THAP1: variants seen among roughly 807,000 people sequenced by gnomAD.
The protein encoded by THAP1 is THAP domain-containing protein 1.
Under a neutral mutation model 18.2 loss-of-function variants are expected in THAP1, and 6 were observed. That is an observed-to-expected ratio of 0.33 (90% CI 0.18 to 0.65). THAP1 has a LOEUF of 0.65. THAP1 is among the 30% of genes least tolerant of loss of function. THAP1 has a pLI of 0.74. For missense variants in THAP1, 176 were observed against 253.0 expected (o/e 0.70, Z 2.06); for synonymous variants, 85 against 90.5 (o/e 0.94, Z 0.34).
At chr8:42,839,062 T>C in intron 2 of THAP1, 124 bp downstream of exon 2, 1 of 1,014,396 alleles carries the variant, frequency 9.9e-7, no homozygotes, top group Non-Finnish European at 1.5e-6. Context: ...AGTGTATCAC[T>C]GTTAACTACA....
intron 1 of THAP1, 56 bp downstream of exon 1, chr8:42,842,968 G>T: frequency 7.1e-7 from 1 of 1,413,948 alleles, no homozygotes; most frequent in Non-Finnish European, 9.3e-7. Context: ...GGCCCCGCCG[G>T]CCGCGCGCCC....
In THAP1 at chr8:42,839,275, G is replaced by C. The variant is rs769617686; in HGVS notation, c.178C>G (p.Pro60Ala). ...YSSICSEHFT[P>A]DCFKRECNNK... The stretch of plus-strand genomic sequence containing the variant: ...TTGCACTCTCTCTTAAAGCAGTCTG[G>C]AGTAAAGTGCTCTGAACAAATACTG... Residue 60 changes from proline to alanine, a missense_variant, in exon 2 of 3, where the codon CCA becomes GCA. Physicochemically the swap from Pro to Ala is conservative, Grantham distance 27 (BLOSUM62 -1). Coordinates refer to ENST00000254250, the MANE Select transcript of THAP1 (RefSeq NM_018105.3). The C allele has an allele frequency of 6.2e-7, 1 of 1,614,102 alleles. No individual in the cohort carries two copies. Among genetic ancestry groups the C allele is most frequent in the Non-Finnish European group, 8.5e-7 (1 of 1,180,014 alleles).
At position 42,837,825 on chromosome 8, in the gene THAP1, G is replaced by T. The variant is rs928631504; in HGVS notation, c.*137C>A. The T allele has an allele frequency of 2.1e-6, 2 of 931,616 alleles. No homozygotes were observed. The highest frequency in any genetic ancestry group is 3.0e-6 in the Non-Finnish European group (2 of 672,916). The allele number at this position is 931,616 out of a possible 1,614,324, so 57.7% of individuals were successfully genotyped here. ...AATTTATAATTTTACAGTATATATA[G>T]AATTTTTTTTAAAAAAATATTCTGA... On this transcript the variant is annotated 3_prime_UTR_variant, in exon 3 of 3. Coordinates refer to ENST00000254250, the MANE Select transcript of THAP1 (RefSeq NM_018105.3).
chr8:42,840,598 G>C (rs1802698479), intron 1 of THAP1, among the ~76,000 whole-genome samples: 3 of 152,204 alleles, frequency 2.0e-5, no homozygotes, highest in Admixed American at 2.0e-4. Context: ...CTTTATGACA[G>C]TCCCTTTTCT....
intron 1 of THAP1, among the ~76,000 whole-genome samples, chr8:42,840,325 G>C (rs1020222346): frequency 6.6e-6 from 1 of 152,202 alleles, no homozygotes; most frequent in African/African-American, 2.4e-5. Context: ...GCATCAGTCT[G>C]ACAAATATGA....
At chr8:42,839,968 C>G (rs552912656) in intron 1 of THAP1, among the ~76,000 whole-genome samples, 1 of 152,018 alleles carries the variant, frequency 6.6e-6, no homozygotes, top group Non-Finnish European at 1.5e-5. Context: ...GGCCACTGTC[C>G]GAGGGACTAC....
Position 42,843,159 on chromosome 8 carries a change from C to T in THAP1, c.-65G>A. 1 of 1,594,686 alleles carries T rather than the reference C, an allele frequency of 6.3e-7. No individual in the cohort carries two copies. The highest frequency in any genetic ancestry group is 8.6e-7 in the Non-Finnish European group (1 of 1,163,490). ...AGGCAGGGGAAGCTGTTCTCAGTGTCGCTGCGCTCGGTTGGATTCCCTCGC... is the reference window on the plus strand; with the variant it reads ...AGGCAGGGGAAGCTGTTCTCAGTGTTGCTGCGCTCGGTTGGATTCCCTCGC... On this transcript the variant is annotated 5_prime_UTR_variant, in exon 1 of 3. Coordinates refer to ENST00000254250, the MANE Select transcript of THAP1 (RefSeq NM_018105.3).
chr8:42,837,925 T>TATTGCCCC lies in THAP1; in HGVS notation c.*29_*36dup. ...TTACAGGCTAGAGGAGGATATGTGG[T>TATTGCCCC]ATTGCCCCATTAGAAATCAATACAC... On this transcript the variant is annotated 3_prime_UTR_variant, in exon 3 of 3. Coordinates refer to ENST00000254250, the MANE Select transcript of THAP1 (RefSeq NM_018105.3). The TATTGCCCC allele has an allele frequency of 6.2e-7, 1 of 1,605,842 alleles. No individual in the cohort carries two copies. Among genetic ancestry groups the TATTGCCCC allele is most frequent in the Non-Finnish European group, 8.5e-7 (1 of 1,179,030 alleles).
chr8:42,842,634 C>G (rs949011327), intron 1 of THAP1: 1 of 152,928 alleles, frequency 6.5e-6, no homozygotes, highest in Non-Finnish European at 1.5e-5. Context: ...GTAGTGATTT[C>G]TTCGTTTAAA....
At position 42,839,169 on chromosome 8, in the gene THAP1, T is replaced by A; in HGVS notation, c.267+17A>T. 6.2e-7 allele frequency: 1 copy of A among 1,613,658 alleles called. No individual in the cohort carries two copies. Among genetic ancestry groups the A allele is most frequent in the East Asian group, 2.2e-5 (1 of 44,848 alleles). ...TGATAAACAAAAAGCAACCCAATAT[T>A]TTAAAATGCATATTACCTTGTCATG... On this transcript the variant is annotated intron_variant, in intron 2 of 2. Transcript: ENST00000254250.
At chr8:42,839,856 A>G (rs1488068200) in intron 1 of THAP1, among the ~76,000 whole-genome samples, 1 of 152,070 alleles carries the variant, frequency 6.6e-6, no homozygotes, top group African/African-American at 2.4e-5. Flanking sequence ...TCATTCATTA[A>G]CGTTTAACTT....
chr8:42,839,514 G>C, intron 1 of THAP1, 133 bp from the exon 2 acceptor site: 1 of 935,324 alleles, frequency 1.1e-6, no homozygotes, highest in South Asian at 1.6e-5. Context: ...TTGGATTAAA[G>C]ATTAGCTCTA....
chr8:42,838,320 T>C lies in THAP1; in HGVS notation c.284A>G (p.Glu95Gly), dbSNP rs1261501472. The change falls in exon 3 of 3, where the codon GAG (glutamate) becomes GGG (glycine). Residue 95 changes from glutamate (E) to glycine (G), a missense_variant. Coordinates refer to ENST00000254250, the MANE Select transcript of THAP1 (RefSeq NM_018105.3). ...AGGTGGGGGAAGCTGTTCCTGTGGCTCCAGAAGATCTTCTTTCTAAAACAA... is the reference window on the plus strand; with the variant it reads ...AGGTGGGGGAAGCTGTTCCTGTGGCCCCAGAAGATCTTCTTTCTAAAACAA... Reference protein sequence around the residue: ...EPHDKKEDLLEPQEQLPPPPL... With the variant: ...EPHDKKEDLLGPQEQLPPPPL... 6.2e-7 allele frequency: 1 copy of C among 1,613,838 alleles called. No individual in the cohort carries two copies.
At chr8:42,842,957 C>A (rs1802753173) in intron 1 of THAP1, 67 bp downstream of exon 1, 1 of 1,341,478 alleles carries the variant, frequency 7.5e-7, no homozygotes, top group East Asian at 3.4e-5. Flanking sequence ...GCTCCGCCCC[C>A]GGCCCCGCCG....
rs1159309700 is a variant in THAP1 at position 42,837,144 on chromosome 8, C to G, written c.*818G>C. 2 of 152,204 alleles carry G rather than the reference C, an allele frequency of 1.3e-5. No homozygotes were observed. The highest frequency in any genetic ancestry group is 4.8e-5 in the African/African-American group (2 of 41,436). 9.4% of individuals were successfully genotyped at this position (152,204 alleles called of 1,614,324 possible). ...CAGATACATAACTACAGCTGGGGAA[C>G]TGGATGTCCTTCAGCTAGGGTGTAA... is the stretch of plus-strand genomic sequence containing the variant. On this transcript the variant is annotated 3_prime_UTR_variant, in exon 3 of 3. Coordinates refer to ENST00000254250, the MANE Select transcript of THAP1 (RefSeq NM_018105.3).
chr8:42,842,311 T>C (rs1251248317), intron 1 of THAP1, among the ~76,000 whole-genome samples: 1 of 152,358 alleles, frequency 6.6e-6, no homozygotes, highest in Non-Finnish European at 1.5e-5. Flanking sequence ...TGCTACCTAC[T>C]GGATAAGACA....
At chr8:42,842,405 G>A (rs147011517) in intron 1 of THAP1, 19 of 152,288 alleles carry the variant, frequency 1.2e-4, no homozygotes, top group African/African-American at 4.3e-4. Context: ...ATCCGTGTGA[G>A]TCATTTTATT....
chr8:42,840,387 A>T (rs934137996), intron 1 of THAP1, among the ~76,000 whole-genome samples: 1 of 152,212 alleles, frequency 6.6e-6, no homozygotes, highest in Admixed American at 6.5e-5. Flanking sequence ...TTTATTTTCT[A>T]ATCAACTGGG....
chr8:42,837,485 TATGAGA>T lies in THAP1; in HGVS notation c.*471_*476del, dbSNP rs1802635735. 1.3e-5 allele frequency: 2 copies of T among 152,536 alleles called. No individual in the cohort carries two copies. Among genetic ancestry groups the T allele is most frequent in the African/African-American group, 2.4e-5 (1 of 41,432 alleles). The allele number at this position is 152,536 out of a possible 1,614,324, so 9.4% of individuals were successfully genotyped here. ...GATAAATGAACCTTGTGACTTTACA[TATGAGA>T]ATATGTACATATGTATATATATATT... On this transcript the variant is annotated 3_prime_UTR_variant, in exon 3 of 3. Coordinates refer to ENST00000254250, the MANE Select transcript of THAP1 (RefSeq NM_018105.3).
Sources: gnomAD v4.1 joint callset for allele counts (sites outside exome capture counted in the v4.1 genomes callset) on GRCh38, gnomAD v4.1.1 for gene constraint, MANE v1.5 for transcripts, NCBI Gene and HGNC (gene_info 2026-07-23, HGNC 2026-07-21) for gene names.